Variants in CTNNA3 observed in about 807,000 individuals in gnomAD.
The protein encoded by CTNNA3 is catenin alpha 3.
In CTNNA3, 76 loss-of-function variants were observed where a neutral mutation model predicts 95.7. The ratio of observed to expected loss-of-function variants is 0.79; its 90% confidence interval spans 0.66 to 0.96. The LOEUF (loss-of-function observed/expected upper bound fraction) is 0.96. Ranked by LOEUF, CTNNA3 falls within the 40% of genes least tolerant of loss-of-function variation. CTNNA3 has a pLI of 0.00. For missense variants in CTNNA3, 1,191 were observed against 1,089.8 expected (o/e 1.09, Z -1.31); for synonymous variants, 431 against 374.4 (o/e 1.15, Z -1.74).
chr10:67,490,000 T>C (rs1042961603), intron 5 of CTNNA3, among the ~76,000 whole-genome samples: 1 of 152,156 alleles, frequency 6.6e-6, no homozygotes, highest in Non-Finnish European at 1.5e-5. Context: ...CACAGGTATC[T>C]TTAACACAAA....
At chr10:66,937,697 C>T (rs2132666009) in intron 7 of CTNNA3, among the ~76,000 whole-genome samples, 2 of 152,228 alleles carry the variant, frequency 1.3e-5, no homozygotes, top group Middle Eastern at 6.8e-3. Context: ...TACCCTTTCC[C>T]ATGCTCTACC....
chr10:66,360,808 CCTTCCTTCCTTTCTTT>C (rs1448620763), intron 12 of CTNNA3, among the ~76,000 whole-genome samples: 846 of 61,652 alleles, frequency 0.014, 10 homozygotes, highest in African/African-American at 0.049. Flanking sequence ...TTCCTTCCTT[CCTTCCTTCCTTTCTTT>C]CTTTCTTTCT....
intron 12 of CTNNA3, among the ~76,000 whole-genome samples, chr10:66,331,161 T>C (rs1339741664): frequency 6.6e-6 from 1 of 151,938 alleles, no homozygotes; most frequent in Non-Finnish European, 1.5e-5. Context: ...TCCTGAATGG[T>C]ATTGCCTAGG....
chr10:66,160,252 C>T (rs2084771779), intron 13 of CTNNA3, among the ~76,000 whole-genome samples: 1 of 151,730 alleles, frequency 6.6e-6, no homozygotes, highest in African/African-American at 2.4e-5. Flanking sequence ...TTCTCTAGTT[C>T]CTTGAGGTGT....
At chr10:66,694,549 A>G (rs1281199231) in intron 9 of CTNNA3, among the ~76,000 whole-genome samples, 2 of 152,238 alleles carry the variant, frequency 1.3e-5, no homozygotes, top group Non-Finnish European at 1.5e-5. Flanking sequence ...AGGAACTGGT[A>G]TCATTCCTTC....
intron 7 of CTNNA3, among the ~76,000 whole-genome samples, chr10:66,898,927 A>G (rs1845610222): frequency 2.0e-5 from 3 of 152,226 alleles, no homozygotes; most frequent in South Asian, 4.1e-4. Context: ...TGAAAAGGTA[A>G]TCTATGGAAT....
chr10:66,761,301 T>G (rs181960423), intron 9 of CTNNA3, among the ~76,000 whole-genome samples: 1 of 152,240 alleles, frequency 6.6e-6, no homozygotes, highest in Non-Finnish European at 1.5e-5. Flanking sequence ...ACCCACTTTT[T>G]CCTTTCTGAT....
At chr10:66,490,863 T>G (rs1198080661) in intron 11 of CTNNA3, among the ~76,000 whole-genome samples, 2 of 152,180 alleles carry the variant, frequency 1.3e-5, no homozygotes, top group African/African-American at 2.4e-5. Context: ...CTGACACCCC[T>G]TGCTGACCTC....
At chr10:66,285,636 TC>T (rs1428148146) in intron 12 of CTNNA3, among the ~76,000 whole-genome samples, 1 of 151,830 alleles carries the variant, frequency 6.6e-6, no homozygotes, top group African/African-American at 2.4e-5. Flanking sequence ...TGACCTTTGT[TC>T]TTTTATGTAC....
Position 67,388,972 on chromosome 10 carries a change from A to T in CTNNA3, c.579+132870T>A, listed in dbSNP as rs1349703521. On this transcript the variant is annotated intron_variant, in intron 5 of 17. Coordinates refer to ENST00000433211, the MANE Select transcript of CTNNA3 (RefSeq NM_013266.4). ...TGCAAAATCATGCCAAAATGTAAAG[A>T]CCATCAAGACTAGGAAGAAACTGCA... Among the ~76,000 whole-genome samples the T allele has an allele frequency of 3.3e-5, 5 of 152,302 alleles. No individual in the cohort carries two copies. In the East Asian group the frequency reaches 9.6e-4, roughly 29 times the overall value.
At chr10:66,864,161 A>T (rs2132420473) in intron 7 of CTNNA3, among the ~76,000 whole-genome samples, 1 of 152,300 alleles carries the variant, frequency 6.6e-6, no homozygotes, top group East Asian at 1.9e-4. Context: ...TGTTTCCCAA[A>T]GATCATGTGT....
intron 3 of CTNNA3, among the ~76,000 whole-genome samples, chr10:67,547,486 T>C (rs1336211286): frequency 2.0e-5 from 3 of 152,202 alleles, no homozygotes; most frequent in Non-Finnish European, 4.4e-5. Context: ...ATCAGAGCAA[T>C]AAATATTTAA....
chr10:66,544,628 G>A lies in CTNNA3; in HGVS notation c.1375-23855C>T, dbSNP rs182516471. Among the ~76,000 whole-genome samples the A allele has an allele frequency of 8.5e-4, 130 of 152,080 alleles. 1 individual carries two copies. The East Asian group carries it at 9.1e-3, about 11-fold the overall frequency. ...CTTAAACTTGTATGACCATCTAGTC[G>A]TACCATTTGAGCAAATAAGTTACCA... On this transcript the variant is annotated intron_variant, in intron 10 of 17. Transcript: ENST00000433211.
intron 7 of CTNNA3, among the ~76,000 whole-genome samples, chr10:66,914,385 G>T (rs1361348885): frequency 6.6e-6 from 1 of 151,638 alleles, no homozygotes; most frequent in Non-Finnish European, 1.5e-5. Context: ...CCTCCGGCAG[G>T]GTACTTTCTA....
intron 14 of CTNNA3, among the ~76,000 whole-genome samples, chr10:66,079,674 G>T (rs1261308949): frequency 1.3e-5 from 2 of 151,336 alleles, no homozygotes; most frequent in African/African-American, 4.9e-5. Flanking sequence ...GCATTTGCTT[G>T]TCCATAAATT....
intron 7 of CTNNA3, among the ~76,000 whole-genome samples, chr10:66,840,281 A>AACTTAAGGACTTAG (rs1379607502): frequency 1.4e-5 from 2 of 147,290 alleles, no homozygotes; most frequent in Non-Finnish European, 3.0e-5. Context: ...GCTTACCCTT[A>AACTTAAGGACTTAG]ACTTAAGGAC....
At chr10:66,672,364 A>C (rs187540165) in intron 9 of CTNNA3, among the ~76,000 whole-genome samples, 4 of 152,136 alleles carry the variant, frequency 2.6e-5, no homozygotes, top group African/African-American at 7.2e-5. Context: ...TCTTGCAAAC[A>C]AACACTAGCA....
intron 5 of CTNNA3, among the ~76,000 whole-genome samples, chr10:67,501,198 A>G (rs1437897852): frequency 6.6e-6 from 1 of 152,000 alleles, no homozygotes; most frequent in African/African-American, 2.4e-5. Flanking sequence ...TCTCTAAAGG[A>G]TTTTATTTCT....
intron 14 of CTNNA3, among the ~76,000 whole-genome samples, chr10:66,087,572 G>A (rs2081036716): frequency 1.3e-5 from 2 of 152,136 alleles, no homozygotes; most frequent in Non-Finnish European, 1.5e-5. Context: ...AGGACCAGTG[G>A]ACATTTTGGC....
Sources: allele counts gnomAD v4.1 joint callset (sites outside exome capture counted in the v4.1 genomes callset), GRCh38; gene constraint gnomAD v4.1.1; transcripts MANE v1.5; gene names NCBI Gene and HGNC (gene_info 2026-07-23, HGNC 2026-07-21).